The following CERS6 variants were observed in gnomAD, a reference collection of about 807,000 sequenced individuals.
CERS6 encodes the protein ceramide synthase 6, also known as LAG1 homolog, ceramide synthase 6.
A neutral mutation model predicts 56.8 loss-of-function variants in CERS6; 26 were observed. The ratio of observed to expected loss-of-function variants is 0.46; its 90% confidence interval spans 0.34 to 0.63. The LOEUF is 0.63. Among genes scored for constraint, CERS6 ranks in the 30% least tolerant of loss-of-function variants. The pLI, the probability that CERS6 is intolerant of heterozygous loss-of-function variation, is 0.01. For missense variants in CERS6, 415 were observed against 467.5 expected, an observed-to-expected ratio of 0.89 and a Z score of 1.04; for synonymous variants, 164 against 173.3, an observed-to-expected ratio of 0.95 and a Z score of 0.42.
chr2:168,740,614 G>A (rs181063286), intron 8 of CERS6, among the ~76,000 whole-genome samples: 6 of 152,306 alleles, frequency 3.9e-5, no homozygotes, highest in Non-Finnish European at 7.3e-5. Flanking sequence ...TGGAGCTGCC[G>A]TCTGAAGAAT....
At position 168,771,927 on chromosome 2, in the gene CERS6, T is replaced by C. The variant is rs774324207; in HGVS notation, c.*2265T>C. 3 of 152,230 alleles carry C rather than the reference T, an allele frequency of 2.0e-5. No individual in the cohort carries two copies. The highest frequency in any genetic ancestry group is 4.8e-5 in the African/African-American group (2 of 41,474). The allele number at this position is 152,230 out of a possible 1,614,324, so 9.4% of individuals were successfully genotyped here. Reference sequence around the variant, plus strand: ...GAACACTTGGGGTCTCTCTAACTGATGGCATTCACTTCACACAGTCGTCTA... The same window carrying C: ...GAACACTTGGGGTCTCTCTAACTGACGGCATTCACTTCACACAGTCGTCTA... On this transcript the variant is annotated 3_prime_UTR_variant, in exon 10 of 10. Coordinates refer to ENST00000305747, the MANE Select transcript of CERS6 (RefSeq NM_203463.3).
intron 1 of CERS6, among the ~76,000 whole-genome samples, chr2:168,514,248 T>G (rs530468330): frequency 6.6e-6 from 1 of 152,192 alleles, no homozygotes; most frequent in East Asian, 1.9e-4. Context: ...CAAAGAAGTG[T>G]AGTCATCTGA....
intron 2 of CERS6, among the ~76,000 whole-genome samples, chr2:168,558,652 A>T (rs906974576): frequency 1.3e-5 from 2 of 152,130 alleles, no homozygotes; most frequent in African/African-American, 2.4e-5. Context: ...GGTGGATCAC[A>T]AGGTCAGGAG....
chr2:168,598,419 A>G (rs968831391), intron 3 of CERS6, among the ~76,000 whole-genome samples: 23 of 151,816 alleles, frequency 1.5e-4, no homozygotes, highest in African/African-American at 5.6e-4. Context: ...TTCCACATCT[A>G]CTGGCCAAAT....
intron 4 of CERS6, among the ~76,000 whole-genome samples, chr2:168,657,607 C>A (rs35979927): frequency 0.17 from 25,459 of 152,144 alleles, 2,331 homozygotes; most frequent in South Asian, 0.33. Flanking sequence ...CAAGGCCCGG[C>A]GAGAAATCAA....
intron 4 of CERS6, among the ~76,000 whole-genome samples, chr2:168,638,607 A>G (rs1684916588): frequency 6.6e-6 from 1 of 152,218 alleles, no homozygotes; most frequent in Non-Finnish European, 1.5e-5. Flanking sequence ...CCCAGAATAA[A>G]TTAAAAACTT....
chr2:168,718,255 C>G (rs1365895879), intron 8 of CERS6, among the ~76,000 whole-genome samples: 2 of 152,110 alleles, frequency 1.3e-5, no homozygotes, highest in Non-Finnish European at 2.9e-5. Context: ...GAATATGACT[C>G]AAGAACCTCA....
At chr2:168,540,240 A>T (rs1695342767) in intron 1 of CERS6, among the ~76,000 whole-genome samples, 1 of 151,954 alleles carries the variant, frequency 6.6e-6, no homozygotes, top group East Asian at 1.9e-4. Flanking sequence ...AGGGGACTCT[A>T]CATATACAAT....
At chr2:168,636,981 T>C (rs1684874399) in intron 4 of CERS6, among the ~76,000 whole-genome samples, 1 of 152,192 alleles carries the variant, frequency 6.6e-6, no homozygotes, top group Non-Finnish European at 1.5e-5. Context: ...TGGATTTAAT[T>C]GCTTCGTCTC....
intron 3 of CERS6, among the ~76,000 whole-genome samples, chr2:168,627,481 GCTTT>G (rs1157456068): frequency 6.6e-6 from 1 of 152,142 alleles, no homozygotes; most frequent in African/African-American, 2.4e-5. Flanking sequence ...CCTGGCAGAA[GCTTT>G]CTTTGATTGA....
At position 168,632,024 on chromosome 2, in the gene CERS6, G is replaced by T. The variant is rs528569369; in HGVS notation, c.465+982G>T. On this transcript the variant is annotated intron_variant, in intron 4 of 9. Transcript: ENST00000305747. ...CTGCTGTTGCTTTTACTATAATCCT[G>T]CATGAACTGAGGGACCGAAATCTAT... 3.5e-4 allele frequency among the ~76,000 whole-genome samples: 53 copies of T among 150,784 alleles called. No homozygotes were observed. The East Asian group carries it at 6.6e-3, about 19-fold the overall frequency.
chr2:168,703,638 G>C (rs564737138), intron 6 of CERS6, among the ~76,000 whole-genome samples: 2 of 152,222 alleles, frequency 1.3e-5, no homozygotes, highest in South Asian at 2.1e-4. Context: ...TGCTTGAAAA[G>C]CTAAAATCAC....
intron 8 of CERS6, among the ~76,000 whole-genome samples, chr2:168,725,773 A>C (rs186532569): frequency 1.3e-5 from 2 of 152,316 alleles, no homozygotes; most frequent in Admixed American, 1.3e-4. Context: ...CATCACTCAA[A>C]GTGTTAAAAG....
At chr2:168,519,582 TA>T (rs1176936165) in intron 1 of CERS6, among the ~76,000 whole-genome samples, 10 of 152,290 alleles carry the variant, frequency 6.6e-5, no homozygotes, top group African/African-American at 2.4e-4. Context: ...TGTTTGTGCG[TA>T]CCCAATGTTT....
intron 1 of CERS6, among the ~76,000 whole-genome samples, chr2:168,492,146 T>C (rs1427501308): frequency 1.3e-5 from 2 of 152,198 alleles, no homozygotes; most frequent in African/African-American, 2.4e-5. Flanking sequence ...GTAATGGGAT[T>C]GCTGGGTCAA....
chr2:168,585,316 G>A (rs1353802255), intron 3 of CERS6, among the ~76,000 whole-genome samples: 1 of 152,252 alleles, frequency 6.6e-6, no homozygotes, highest in Non-Finnish European at 1.5e-5. Context: ...CATATCATAT[G>A]CTGGGCAATA....
At chr2:168,717,124 T>G (rs1391590020) in intron 7 of CERS6, among the ~76,000 whole-genome samples, 1 of 152,190 alleles carries the variant, frequency 6.6e-6, no homozygotes, top group Non-Finnish European at 1.5e-5. Flanking sequence ...ATTTCTTCCC[T>G]AGACTAATTT....
At chr2:168,528,739 CA>C (rs1695114136) in intron 1 of CERS6, among the ~76,000 whole-genome samples, 1 of 152,144 alleles carries the variant, frequency 6.6e-6, no homozygotes, top group African/African-American at 2.4e-5. Flanking sequence ...CAGGAGAAAG[CA>C]GCCAAATGAG....
At chr2:168,671,154 A>G (rs1351551426) in intron 4 of CERS6, among the ~76,000 whole-genome samples, 2 of 151,544 alleles carry the variant, frequency 1.3e-5, no homozygotes, top group African/African-American at 4.9e-5. Flanking sequence ...TTCAGTAGAG[A>G]CAGGGTTTCA....
Sources: gnomAD v4.1 joint callset for allele counts (sites outside exome capture counted in the v4.1 genomes callset) on GRCh38, gnomAD v4.1.1 for gene constraint, MANE v1.5 for transcripts, NCBI Gene and HGNC (gene_info 2026-07-23, HGNC 2026-07-21) for gene names.